The following SDK1 variants were observed in gnomAD, a reference collection of about 807,000 sequenced individuals.
SDK1 encodes sidekick cell adhesion molecule 1.
A neutral mutation model predicts 245.5 loss-of-function variants in SDK1; 157 were observed. The ratio of observed to expected loss-of-function variants is 0.64; its 90% CI spans 0.56 to 0.73. SDK1 has a LOEUF of 0.73. Among genes scored for constraint, SDK1 ranks in the 30% least tolerant of loss-of-function variants. The probability of loss-of-function intolerance (pLI) is 0.00; values close to 1 mark genes in which losing one functional copy is unlikely to be tolerated. For missense variants in SDK1, 3,583 were observed against 3,002.3 expected, an observed-to-expected ratio of 1.19 and a Z score of -4.52; for synonymous variants, 1,647 against 1,278.5, an observed-to-expected ratio of 1.29 and a Z score of -6.15.
chr7:3,321,384 A>G (rs1388502778), intron 1 of SDK1, among the ~76,000 whole-genome samples: 1 of 152,150 alleles, frequency 6.6e-6, no homozygotes, highest in Non-Finnish European at 1.5e-5. Flanking sequence ...GTGAGCTGCG[A>G]ACTTTGTCCT....
chr7:3,465,293 A>G (rs1309456596), intron 1 of SDK1, among the ~76,000 whole-genome samples: 1 of 152,220 alleles, frequency 6.6e-6, no homozygotes, highest in Non-Finnish European at 1.5e-5. Flanking sequence ...AGAGGTCATC[A>G]TAATTCTCCC....
intron 4 of SDK1, among the ~76,000 whole-genome samples, chr7:3,725,254 C>G (rs1379184712): frequency 6.6e-6 from 1 of 152,212 alleles, no homozygotes; most frequent in Non-Finnish European, 1.5e-5. Flanking sequence ...CGGACTTTCA[C>G]ATGGTACTCC....
intron 1 of SDK1, among the ~76,000 whole-genome samples, chr7:3,526,214 C>A (rs554386423): frequency 3.8e-4 from 57 of 151,484 alleles, no homozygotes; most frequent in Non-Finnish European, 2.9e-5. Flanking sequence ...GCCTGGGAGA[C>A]AGAGCGAGAC....
chr7:3,727,889 C>T (rs1004038087), intron 4 of SDK1, among the ~76,000 whole-genome samples: 1 of 152,212 alleles, frequency 6.6e-6, no homozygotes, highest in East Asian at 1.9e-4. Context: ...TGCCTCCTTT[C>T]TGTTCCAGGA....
chr7:3,632,649 G>A (rs941287329), intron 2 of SDK1, among the ~76,000 whole-genome samples: 4 of 152,126 alleles, frequency 2.6e-5, no homozygotes, highest in African/African-American at 9.7e-5. Flanking sequence ...TACAAATATT[G>A]TGTTCCCTTT....
intron 17 of SDK1, among the ~76,000 whole-genome samples, chr7:4,022,511 G>A (rs1316449093): frequency 6.6e-6 from 1 of 152,194 alleles, no homozygotes; most frequent in Non-Finnish European, 1.5e-5. Context: ...ACTCAGCAGT[G>A]ACACAGCATA....
At chr7:3,410,578 CTTTTTTTTT>C (rs776277920) in intron 1 of SDK1, among the ~76,000 whole-genome samples, 1 of 82,064 alleles carries the variant, frequency 1.2e-5, no homozygotes, top group African/African-American at 5.3e-5. Flanking sequence ...GAAATGATAT[CTTTTTTTTT>C]TTTTTTTTTT....
chr7:3,622,433 A>G (rs916222523), intron 2 of SDK1, among the ~76,000 whole-genome samples: 1 of 152,220 alleles, frequency 6.6e-6, no homozygotes, highest in Admixed American at 6.5e-5. Context: ...GTGAGCCAGG[A>G]TCGCACCACT....
chr7:3,754,789 A>G lies in SDK1; in HGVS notation c.714-66661A>G, dbSNP rs10277624. ...TTGACAAGATAGTACCCGATTCACT[A>G]AACAGCTAGTGTGGAAATAATGATG... On this transcript the variant is annotated intron_variant, in intron 4 of 44. Transcript: ENST00000404826. Among the ~76,000 whole-genome samples the G allele has an allele frequency of 1.7e-3, 252 of 152,326 alleles. 1 individual carries two copies. The highest frequency in any genetic ancestry group is 5.8e-3 in the African/African-American group (242 of 41,578).
intron 1 of SDK1, among the ~76,000 whole-genome samples, chr7:3,407,793 G>A (rs1351647489): frequency 6.6e-6 from 1 of 152,134 alleles, no homozygotes; most frequent in Non-Finnish European, 1.5e-5. Context: ...TTCTCCTCAA[G>A]GAGTTCCCAC....
Position 3,967,415 on chromosome 7 carries a change from C to A in SDK1, c.1527C>A (p.Pro509=). 6.2e-7 allele frequency: 1 copy of A among 1,613,168 alleles called. No homozygotes were observed. The highest frequency in any genetic ancestry group is 8.5e-7 in the Non-Finnish European group (1 of 1,179,118). The change falls in exon 10 of 45, where the codon CCC becomes CCA. Residue 509 remains proline (P), a synonymous_variant. Transcript: ENST00000404826. ...LRCEVSGAPK[P]AITWKRENHI... The stretch of plus-strand genomic sequence containing the variant: ...GTGAGGTGTCCGGGGCTCCCAAACC[C>A]GCCATCACCTGGAAAAGAGGTGGGT...
chr7:3,343,980 G>A (rs560767987), intron 1 of SDK1, among the ~76,000 whole-genome samples: 1 of 146,236 alleles, frequency 6.8e-6, no homozygotes, highest in South Asian at 2.2e-4. Flanking sequence ...CTGTGAAGGT[G>A]TACAGACACT....
rs139607629 is a variant in SDK1 at position 3,661,360 on chromosome 7, A to G, written c.713+19255A>G. On this transcript the variant is annotated intron_variant, in intron 4 of 44. Coordinates refer to ENST00000404826, the MANE Select transcript of SDK1 (RefSeq NM_152744.4). ...TCTATGGAAATGCATGCAAAACAGTACTTGTGCTAATTAAAGTTGGAGAGA... is the reference window on the plus strand; with the variant it reads ...TCTATGGAAATGCATGCAAAACAGTGCTTGTGCTAATTAAAGTTGGAGAGA... Among the ~76,000 whole-genome samples the G allele has an allele frequency of 3.5e-4, 54 of 152,358 alleles. 1 individual carries two copies. In the East Asian group the frequency reaches 0.01, roughly 29 times the overall value.
Position 4,267,345 on chromosome 7 carries a change from C to A in SDK1, c.*1961C>A, listed in dbSNP as rs1196293075. On this transcript the variant is annotated 3_prime_UTR_variant, in exon 45 of 45. Coordinates refer to ENST00000404826, the MANE Select transcript of SDK1 (RefSeq NM_152744.4). The stretch of plus-strand genomic sequence containing the variant: ...CTTCCTCTCTCCCCTATTCCTTCTT[C>A]CTTTTCTCCTCCTTTTTCTGAGTGG... 1 of 962,242 alleles carries A rather than the reference C, an allele frequency of 1.0e-6. No homozygotes were observed. The highest frequency in any genetic ancestry group is 1.8e-5 in the African/African-American group (1 of 55,764). The allele number at this position is 962,242 out of a possible 1,614,324, so 59.6% of individuals were successfully genotyped here. A position where few individuals can be genotyped will look rare whatever the true frequency, so the allele number is the denominator to read the frequency against.
chr7:4,165,856 A>C (rs528548739), intron 32 of SDK1, among the ~76,000 whole-genome samples: 1 of 152,032 alleles, frequency 6.6e-6, no homozygotes, highest in East Asian at 2.0e-4. Context: ...GCGCAATCAT[A>C]GCTCATTGTA....
At chr7:4,022,045 A>AGG (rs1473992209) in intron 17 of SDK1, among the ~76,000 whole-genome samples, 1 of 152,148 alleles carries the variant, frequency 6.6e-6, no homozygotes, top group Non-Finnish European at 1.5e-5. Flanking sequence ...AGCCCCACTT[A>AGG]GGGGCTTGAA....
At chr7:3,501,878 T>G (rs1782226335) in intron 1 of SDK1, among the ~76,000 whole-genome samples, 1 of 152,202 alleles carries the variant, frequency 6.6e-6, no homozygotes, top group East Asian at 1.9e-4. Context: ...CTCTTGTTGA[T>G]TTACAGACAT....
At chr7:3,724,303 G>A (rs536736972) in intron 4 of SDK1, among the ~76,000 whole-genome samples, 1 of 152,128 alleles carries the variant, frequency 6.6e-6, no homozygotes, top group East Asian at 2.0e-4. Flanking sequence ...TCAGGAGCAG[G>A]AGCTCACACC....
intron 1 of SDK1, among the ~76,000 whole-genome samples, chr7:3,335,331 A>C (rs888662519): frequency 1.3e-5 from 2 of 152,108 alleles, no homozygotes; most frequent in African/African-American, 4.8e-5. Context: ...CTGGCTTACC[A>C]AGTTACTTCC....
Sources: allele counts gnomAD v4.1 joint callset (sites outside exome capture counted in the v4.1 genomes callset), GRCh38; gene constraint gnomAD v4.1.1; transcripts MANE v1.5; gene names NCBI Gene and HGNC (gene_info 2026-07-23, HGNC 2026-07-21).